The following ERC1 variants were observed in gnomAD, a reference collection of about 807,000 sequenced individuals.
ERC1 encodes the protein ELKS/RAB6-interacting/CAST family member 1.
A neutral mutation model predicts 132.0 loss-of-function variants in ERC1; 56 were observed. The ratio of observed to expected loss-of-function variants is 0.42; its 90% CI spans 0.34 to 0.53. The LOEUF (loss-of-function observed/expected upper bound fraction) is 0.53, where lower values mean the gene tolerates loss of function less well. Among genes scored for constraint, ERC1 ranks in the 20% least tolerant of loss-of-function variants. The pLI is 0.03. For missense variants in ERC1, 1,202 were observed against 1,349.9 expected, an observed-to-expected ratio of 0.89 and a Z score of 1.72; for synonymous variants, 478 against 476.1, an observed-to-expected ratio of 1.00 and a Z score of -0.05.
intron 2 of ERC1, among the ~76,000 whole-genome samples, chr12:1,081,866 A>G (rs1435272632): frequency 3.3e-5 from 5 of 152,202 alleles, no homozygotes; most frequent in African/African-American, 1.2e-4. Context: ...TTACTACAGT[A>G]AAATAAAAAA....
At chr12:1,452,610 TTC>T (rs2093448705) in intron 18 of ERC1, among the ~76,000 whole-genome samples, 1 of 152,208 alleles carries the variant, frequency 6.6e-6, no homozygotes, top group Non-Finnish European at 1.5e-5. Context: ...TCTCTTGGAT[TTC>T]TGTTTTGTTT....
intron 15 of ERC1, among the ~76,000 whole-genome samples, chr12:1,346,278 A>T (rs2084444531): frequency 6.6e-6 from 1 of 152,204 alleles, no homozygotes; most frequent in Admixed American, 6.5e-5. Context: ...AGAAAACAGC[A>T]TATCCTAGTA....
chr12:1,080,704 C>T lies in ERC1; in HGVS notation c.670-2460C>T, dbSNP rs180850519. ...CTTCTTCCTGATTTTCTCTTGCTGC[C>T]GCCATGTAAGAAGTGCCTTTTGCCT... On this transcript the variant is annotated intron_variant, in intron 2 of 18. Transcript: ENST00000360905. Among the ~76,000 whole-genome samples the T allele has an allele frequency of 2.2e-3, 332 of 152,134 alleles. 4 individuals carry two copies. Among genetic ancestry groups the T allele is most frequent in the Admixed American group, 0.019 (290 of 15,268 alleles).
intron 13 of ERC1, among the ~76,000 whole-genome samples, chr12:1,239,635 T>C (rs2075667396): frequency 6.6e-6 from 1 of 152,136 alleles, no homozygotes; most frequent in Non-Finnish European, 1.5e-5. Flanking sequence ...GGAGAATTGC[T>C]TTATCCCAGG....
At chr12:1,000,333 A>G (rs1240428320) in intron 1 of ERC1, among the ~76,000 whole-genome samples, 1 of 152,070 alleles carries the variant, frequency 6.6e-6, no homozygotes, top group African/African-American at 2.4e-5. Flanking sequence ...AAAAAATAAA[A>G]AAATTAGCTG....
chr12:1,353,155 C>G (rs570609059), intron 15 of ERC1, among the ~76,000 whole-genome samples: 1 of 151,678 alleles, frequency 6.6e-6, no homozygotes, highest in Non-Finnish European at 1.5e-5. Context: ...CTCAGCCTCC[C>G]GAGTAGCTGG....
At chr12:1,141,883 C>T (rs1429357283) in intron 8 of ERC1, 96 bp downstream of exon 8, 2 of 1,015,976 alleles carry the variant, frequency 2.0e-6, no homozygotes, top group African/African-American at 1.6e-5. Context: ...GTTTCTTGCT[C>T]ATTTTTCAGT....
At chr12:1,197,084 G>A (rs756224253) in intron 12 of ERC1, among the ~76,000 whole-genome samples, 11 of 149,378 alleles carry the variant, frequency 7.4e-5, no homozygotes, top group Middle Eastern at 3.5e-3. Context: ...GGGCTCAAGC[G>A]ATTCTTGTGC....
intron 12 of ERC1, among the ~76,000 whole-genome samples, chr12:1,214,782 CATTAT>C (rs1337236029): frequency 6.6e-6 from 1 of 151,898 alleles, no homozygotes; most frequent in Non-Finnish European, 1.5e-5. Context: ...ATTTTCCATG[CATTAT>C]TTTATTTACT....
chr12:1,349,674 A>AG (rs2084824284), intron 15 of ERC1, among the ~76,000 whole-genome samples: 2 of 152,060 alleles, frequency 1.3e-5, no homozygotes, highest in African/African-American at 2.4e-5. Context: ...AAAAAAAAAA[A>AG]AAAAAAGTTA....
chr12:1,332,483 G>A (rs543105677), intron 15 of ERC1, among the ~76,000 whole-genome samples: 1 of 152,326 alleles, frequency 6.6e-6, no homozygotes, highest in Non-Finnish European at 1.5e-5. Flanking sequence ...GAACTAGATT[G>A]ATTGTGGCAC....
intron 15 of ERC1, among the ~76,000 whole-genome samples, chr12:1,325,493 G>A (rs1277752456): frequency 6.6e-5 from 10 of 152,068 alleles, no homozygotes; most frequent in Admixed American, 5.2e-4. Flanking sequence ...TAGGAGCCAC[G>A]ACAACTGATT....
chr12:1,155,631 C>T (rs1951313157), intron 8 of ERC1, among the ~76,000 whole-genome samples: 2 of 152,080 alleles, frequency 1.3e-5, no homozygotes, highest in Admixed American at 1.3e-4. Flanking sequence ...CACGTGCCAC[C>T]ACGCCCGGCT....
At chr12:1,122,192 T>C (rs1321145776) in intron 7 of ERC1, among the ~76,000 whole-genome samples, 64 of 97,452 alleles carry the variant, frequency 6.6e-4, no homozygotes, top group African/African-American at 2.8e-3. Flanking sequence ...TCTCTATCTC[T>C]ATCTCTATCT....
At chr12:1,406,638 T>G (rs1451106850) in intron 16 of ERC1, among the ~76,000 whole-genome samples, 1 of 152,206 alleles carries the variant, frequency 6.6e-6, no homozygotes, top group Non-Finnish European at 1.5e-5. Context: ...TGTACTTTAT[T>G]TTTTAAATTA....
At chr12:1,335,348 T>G (rs1490255679) in intron 15 of ERC1, among the ~76,000 whole-genome samples, 1 of 152,202 alleles carries the variant, frequency 6.6e-6, no homozygotes, top group African/African-American at 2.4e-5. Context: ...TTATTCAGTA[T>G]GATATTGGCT....
Position 1,196,959 on chromosome 12 carries a change from CACATAT to C in ERC1, c.2351+6909_2351+6914del, listed in dbSNP as rs1352809211. ...ACACACACACACACACACACACACA[CACATAT>C]ATATATATATATTTTTTTTTTTTTT... On this transcript the variant is annotated intron_variant, in intron 12 of 18. Transcript: ENST00000360905. Among the ~76,000 whole-genome samples, 73 of 19,026 alleles carry C rather than the reference CACATAT, an allele frequency of 3.8e-3. 1 individual carries two copies. The highest frequency in any genetic ancestry group is 5.2e-3 in the Non-Finnish European group (57 of 10,904). 12.5% of individuals were successfully genotyped at this position (19,026 alleles called of 152,430 possible). A position where few individuals can be genotyped will look rare whatever the true frequency, so the allele number is the denominator to read the frequency against.
chr12:1,494,080 A>C lies in ERC1; in HGVS notation c.*3850A>C, dbSNP rs995451541. 1 of 232,170 alleles carries C rather than the reference A, an allele frequency of 4.3e-6. No individual in the cohort carries two copies. Among genetic ancestry groups the C allele is most frequent in the Non-Finnish European group, 8.5e-6 (1 of 117,432 alleles). 14.4% of individuals were successfully genotyped at this position (232,170 alleles called of 1,614,324 possible). A position where few individuals can be genotyped will look rare whatever the true frequency, so the allele number is the denominator to read the frequency against. On this transcript the variant is annotated 3_prime_UTR_variant, in exon 19 of 19. Transcript: ENST00000360905. Reference sequence around the variant, plus strand: ...CAAGACCCTCAGAGTCTTTGAGGAAAGAGCCAAGCAGAGAAGACCGCTGCG... The same window carrying C: ...CAAGACCCTCAGAGTCTTTGAGGAACGAGCCAAGCAGAGAAGACCGCTGCG...
At chr12:1,234,017 A>C (rs187767338) in intron 12 of ERC1, among the ~76,000 whole-genome samples, 1 of 152,332 alleles carries the variant, frequency 6.6e-6, no homozygotes, top group Non-Finnish European at 1.5e-5. Flanking sequence ...AAGCATGTAT[A>C]AGGGTATAAT....
Sources: allele counts gnomAD v4.1 joint callset (sites outside exome capture counted in the v4.1 genomes callset), GRCh38; gene constraint gnomAD v4.1.1; transcripts MANE v1.5; gene names NCBI Gene and HGNC (gene_info 2026-07-23, HGNC 2026-07-21).